Variants in PLD5 observed in about 807,000 individuals in gnomAD.
The protein encoded by PLD5 is inactive phospholipase D5.
In PLD5, 36 loss-of-function variants were observed where a neutral mutation model predicts 61.1. The ratio of observed to expected loss-of-function variants is 0.59; its 90% confidence interval spans 0.45 to 0.78. The LOEUF is 0.78. Among genes scored for constraint, PLD5 ranks in the 30% least tolerant of loss-of-function variants. PLD5 has a pLI of 0.00. For synonymous variants in PLD5, 243 were observed against 242.8 expected, an observed-to-expected ratio of 1.00 and a Z score of -0.01; for missense variants, 515 against 644.4, an observed-to-expected ratio of 0.80 and a Z score of 2.17.
chr1:242,212,953 G>A (rs935994242), intron 5 of PLD5, among the ~76,000 whole-genome samples: 1 of 152,166 alleles, frequency 6.6e-6, no homozygotes. Flanking sequence ...TAGATAAAGA[G>A]CAATTAAAAG....
chr1:242,350,122 T>C (rs1660390251), intron 1 of PLD5, among the ~76,000 whole-genome samples: 1 of 152,050 alleles, frequency 6.6e-6, no homozygotes, highest in South Asian at 2.1e-4. Flanking sequence ...GATGGCACCA[T>C]AGATGAAAAA....
chr1:242,261,433 C>G (rs1673364776), intron 4 of PLD5, among the ~76,000 whole-genome samples: 1 of 152,000 alleles, frequency 6.6e-6, no homozygotes, highest in African/African-American at 2.4e-5. Flanking sequence ...TCTCCATGAC[C>G]TTGTGATGAT....
intron 3 of PLD5, among the ~76,000 whole-genome samples, chr1:242,283,556 TA>T (rs1361723068): frequency 2.0e-5 from 3 of 152,192 alleles, no homozygotes; most frequent in South Asian, 2.1e-4. Context: ...ATATTATCTT[TA>T]AAAAAATTAA....
chr1:242,415,372 C>G (rs7532175), intron 1 of PLD5, among the ~76,000 whole-genome samples: 1 of 151,914 alleles, frequency 6.6e-6, no homozygotes, highest in Non-Finnish European at 1.5e-5. Context: ...GACTCAATTA[C>G]GGAACATTCA....
Position 242,190,641 on chromosome 1 carries a change from G to A in PLD5, c.735+29347C>T, listed in dbSNP as rs577406158. ...TCACAGCTGTAACATCAGCACTTTG[G>A]GGGGCCGAGGTAGGGGGATCGCTTG... On this transcript the variant is annotated intron_variant, in intron 5 of 9. Transcript: ENST00000536534. Among the ~76,000 whole-genome samples the A allele has an allele frequency of 5.9e-5, 9 of 152,030 alleles. No homozygotes were observed. The South Asian group carries it at 1.9e-3, about 32-fold the overall frequency.
Position 242,146,480 on chromosome 1 carries a change from C to T in PLD5, c.736-21815G>A, listed in dbSNP as rs1255921457. On this transcript the variant is annotated intron_variant, in intron 5 of 9. Coordinates refer to ENST00000536534, the MANE Select transcript of PLD5 (RefSeq NM_001372062.1). ...TCAAAGTCTATTTACCTAAAAAAAC[C>T]CTACCTTAATTTTTATAAGAGAGAT... Among the ~76,000 whole-genome samples, 3 of 152,046 alleles carry T rather than the reference C, an allele frequency of 2.0e-5. No individual in the cohort carries two copies. The East Asian group carries it at 5.8e-4, about 29-fold the overall frequency.
Position 242,423,593 on chromosome 1 carries a change from G to A in PLD5, c.190-75351C>T, listed in dbSNP as rs865959245. Reference sequence around the variant, plus strand: ...GAGGTAGGAGGATCACTCAAGCCCAGGAACTCAAGACCAGCCTGGGCAACA... The same window carrying A: ...GAGGTAGGAGGATCACTCAAGCCCAAGAACTCAAGACCAGCCTGGGCAACA... On this transcript the variant is annotated intron_variant, in intron 1 of 9. Coordinates refer to ENST00000536534, the MANE Select transcript of PLD5 (RefSeq NM_001372062.1). Among the ~76,000 whole-genome samples the A allele has an allele frequency of 7.2e-5, 11 of 152,162 alleles. No individual in the cohort carries two copies. The South Asian group carries it at 2.1e-3, about 29-fold the overall frequency.
rs151207472 is a variant in PLD5 at position 242,439,126 on chromosome 1, C to G, written c.189+84962G>C. Among the ~76,000 whole-genome samples the G allele has an allele frequency of 2.4e-3, 365 of 152,242 alleles. 3 individuals are homozygous for G. Among genetic ancestry groups the G allele is most frequent in the African/African-American group, 8.1e-3 (336 of 41,546 alleles). On this transcript the variant is annotated intron_variant, in intron 1 of 9. Coordinates refer to ENST00000536534, the MANE Select transcript of PLD5 (RefSeq NM_001372062.1). Reference sequence around the variant, plus strand: ...CGCTTAAGAGCTACCAGGGACTTGACAAAATTAAGGTACCTCACTCACTGC... The same window carrying G: ...CGCTTAAGAGCTACCAGGGACTTGAGAAAATTAAGGTACCTCACTCACTGC...
intron 4 of PLD5, among the ~76,000 whole-genome samples, chr1:242,254,347 TGA>T (rs1558400939): frequency 1.4e-5 from 1 of 71,684 alleles, no homozygotes; most frequent in Non-Finnish European, 3.2e-5. Context: ...CTCATTTAAC[TGA>T]AAAAAAAAAA....
chr1:242,188,995 A>G (rs1668074643), intron 5 of PLD5, among the ~76,000 whole-genome samples: 1 of 151,906 alleles, frequency 6.6e-6, no homozygotes, highest in Non-Finnish European at 1.5e-5. Context: ...AAACAAACAA[A>G]CAAAAAGAGA....
At chr1:242,206,615 A>C (rs1203505514) in intron 5 of PLD5, among the ~76,000 whole-genome samples, 2 of 152,200 alleles carry the variant, frequency 1.3e-5, no homozygotes, top group Non-Finnish European at 2.9e-5. Context: ...TCTAGCTTAT[A>C]ATAAAGTAAG....
chr1:242,326,978 G>A (rs1321870245), intron 2 of PLD5, among the ~76,000 whole-genome samples: 1 of 151,908 alleles, frequency 6.6e-6, no homozygotes, highest in African/African-American at 2.4e-5. Flanking sequence ...CGATTCTCCT[G>A]CCTCAGCCTC....
intron 3 of PLD5, among the ~76,000 whole-genome samples, chr1:242,284,773 A>G (rs1674925020): frequency 6.6e-6 from 1 of 152,186 alleles, no homozygotes; most frequent in African/African-American, 2.4e-5. Context: ...GCTTCCCCAC[A>G]GGACATGGCC....
At chr1:242,243,095 A>T (rs1324966604) in intron 4 of PLD5, among the ~76,000 whole-genome samples, 1 of 152,246 alleles carries the variant, frequency 6.6e-6, no homozygotes, top group East Asian at 1.9e-4. Flanking sequence ...TAAGGAAAGG[A>T]GGCATCTGGG....
chr1:242,113,084 CTTTTTTTTTT>C (rs71570931), intron 7 of PLD5, among the ~76,000 whole-genome samples: 4 of 110,684 alleles, frequency 3.6e-5, no homozygotes, highest in African/African-American at 1.0e-4. Context: ...CTCTCTCTCT[CTTTTTTTTTT>C]TTTTTTTTTT....
intron 1 of PLD5, among the ~76,000 whole-genome samples, chr1:242,419,921 T>C (rs1665045599): frequency 2.6e-5 from 4 of 152,288 alleles, no homozygotes; most frequent in Middle Eastern, 6.8e-3. Flanking sequence ...CCAACTACTT[T>C]AAGGGATGTT....
At chr1:242,142,714 T>C (rs976605149) in intron 5 of PLD5, among the ~76,000 whole-genome samples, 4 of 90,086 alleles carry the variant, frequency 4.4e-5, no homozygotes, top group African/African-American at 1.1e-4. Flanking sequence ...AGCTGTGTCT[T>C]TCTCTCTCTC....
intron 1 of PLD5, among the ~76,000 whole-genome samples, chr1:242,439,029 G>A (rs1666148345): frequency 6.6e-6 from 1 of 152,000 alleles, no homozygotes; most frequent in Admixed American, 6.6e-5. Flanking sequence ...TTATTGTTTA[G>A]TTCCCTCATG....
At chr1:242,402,499 A>C (rs1352612099) in intron 1 of PLD5, among the ~76,000 whole-genome samples, 1 of 152,236 alleles carries the variant, frequency 6.6e-6, no homozygotes, top group Non-Finnish European at 1.5e-5. Context: ...AATGAACTAT[A>C]TGGTTGCCTA....
Sources: gnomAD v4.1 joint callset for allele counts (sites outside exome capture counted in the v4.1 genomes callset) on GRCh38, gnomAD v4.1.1 for gene constraint, MANE v1.5 for transcripts, NCBI Gene and HGNC (gene_info 2026-07-23, HGNC 2026-07-21) for gene names.